Variants in LRTM3 observed in about 807,000 individuals in gnomAD.
The protein encoded by LRTM3 is leucine rich repeat transmembrane protein 3.
chr13:102,732,568 T>C, the LRTM3 span: 1 of 1,551,272 alleles, frequency 6.4e-7, no homozygotes, highest in Non-Finnish European at 8.7e-7. Context: ...CATTAGATGC[T>C]TCTAGTTCTT....
chr13:102,749,665 T>A, the LRTM3 span: 3 of 1,551,440 alleles, frequency 1.9e-6, no homozygotes, highest in East Asian at 7.3e-5. Flanking sequence ...TCATCACATC[T>A]TCAGGCTGGG....
At chr13:102,756,872 C>T in the LRTM3 span, among the ~76,000 whole-genome samples, 1 of 151,990 alleles carries the variant, frequency 6.6e-6, no homozygotes, top group Non-Finnish European at 1.5e-5. Flanking sequence ...TTAACGCCCC[C>T]TAGAAAGATG....
the LRTM3 span, among the ~76,000 whole-genome samples, chr13:102,754,146 A>T: frequency 6.9e-6 from 1 of 144,798 alleles, no homozygotes; most frequent in Non-Finnish European, 1.5e-5. Flanking sequence ...TGAAGGTTGC[A>T]GTGAGCCGAG....
chr13:102,748,760 T>A, the LRTM3 span: 1 of 1,550,298 alleles, frequency 6.5e-7, no homozygotes, highest in South Asian at 1.2e-5. Flanking sequence ...CCCATTTGTT[T>A]CTACTAGTAA....
the LRTM3 span, chr13:102,732,593 A>C: frequency 3.9e-6 from 6 of 1,551,062 alleles, no homozygotes; most frequent in Non-Finnish European, 5.2e-6. Context: ...CTGCTTTTGC[A>C]TGATTAGGCG....
chr13:102,742,025 A>G, the LRTM3 span: 1 of 1,550,466 alleles, frequency 6.4e-7, no homozygotes, highest in Admixed American at 2.0e-5. Flanking sequence ...CATTTCTTTT[A>G]GTGGTTTCTC....
At chr13:102,733,654 C>T in the LRTM3 span, 2 of 1,551,286 alleles carry the variant, frequency 1.3e-6, no homozygotes, top group Non-Finnish European at 1.7e-6. Flanking sequence ...GAGCCTTTTT[C>T]CCTGTAAAGA....
chr13:102,739,349 A>G, the LRTM3 span: 1 of 1,549,562 alleles, frequency 6.5e-7, no homozygotes, highest in Non-Finnish European at 8.7e-7. Context: ...CTTTGATTCT[A>G]TTACATTACT....
chr13:102,744,748 A>G, the LRTM3 span: 1 of 1,550,360 alleles, frequency 6.5e-7, no homozygotes, highest in Non-Finnish European at 8.7e-7. Flanking sequence ...CTTCCCTTTC[A>G]TGTTGTACAT....
At chr13:102,740,250 T>C in the LRTM3 span, 1 of 1,549,556 alleles carries the variant, frequency 6.5e-7, no homozygotes, top group Non-Finnish European at 8.7e-7. Flanking sequence ...TATTTTATAG[T>C]TTTATGGTAT....
the LRTM3 span, chr13:102,730,454 C>T: frequency 3.9e-6 from 6 of 1,551,264 alleles, no homozygotes; most frequent in Non-Finnish European, 5.2e-6. Flanking sequence ...TCTCTGGGTC[C>T]TTAAATCAAC....
chr13:102,734,568 C>A, the LRTM3 span: 8 of 1,550,962 alleles, frequency 5.2e-6, no homozygotes, highest in South Asian at 5.9e-5. Context: ...CCTCTCATAT[C>A]GATTATTTTT....
the LRTM3 span, chr13:102,737,465 C>T: frequency 1.1e-5 from 17 of 1,550,646 alleles, no homozygotes; most frequent in East Asian, 4.2e-4. Context: ...TGTGCCTACT[C>T]CATCTGCTTG....
At chr13:102,732,325 C>T in the LRTM3 span, 11 of 1,551,218 alleles carry the variant, frequency 7.1e-6, no homozygotes, top group Non-Finnish European at 7.8e-6. Context: ...TAACATCATA[C>T]TCTAATTTCT....
At chr13:102,742,335 C>T in the LRTM3 span, 1 of 1,548,770 alleles carries the variant, frequency 6.5e-7, no homozygotes. Flanking sequence ...TTTGCCTTAT[C>T]TTTATGTCTT....
chr13:102,738,574 CTG>C, the LRTM3 span: 1 of 1,550,382 alleles, frequency 6.5e-7, no homozygotes, highest in African/African-American at 1.4e-5. Flanking sequence ...TTTTTTGCCT[CTG>C]TTCTTTTTGC....
chr13:102,737,011 A>C, the LRTM3 span: 1 of 1,551,026 alleles, frequency 6.4e-7, no homozygotes, highest in South Asian at 1.2e-5. Context: ...CATCCAGTTC[A>C]CTTTTTCTTT....
At chr13:102,732,447 T>C in the LRTM3 span, 8 of 1,551,204 alleles carry the variant, frequency 5.2e-6, no homozygotes, top group Non-Finnish European at 5.2e-6. Context: ...AGATCTCTTA[T>C]TGTTAATCTG....
At chr13:102,737,801 C>T in the LRTM3 span, 3 of 1,550,488 alleles carry the variant, frequency 1.9e-6, no homozygotes, top group Non-Finnish European at 1.7e-6. Context: ...TTGTAAAATA[C>T]CAGGTCTGAT....
Sources: allele counts gnomAD v4.1 joint callset (sites outside exome capture counted in the v4.1 genomes callset), GRCh38; gene constraint gnomAD v4.1.1; transcripts MANE v1.5; gene names NCBI Gene and HGNC (gene_info 2026-07-23, HGNC 2026-07-21).